Variants in PES1 observed in about 807,000 individuals in gnomAD.
PES1 encodes the protein pescadillo ribosomal biogenesis factor 1, also known as pescadillo homolog.
PES1 carries 31 observed loss-of-function variants against 77.1 expected under a neutral mutation model. That is an observed-to-expected ratio of 0.40 (90% CI 0.30 to 0.54). PES1 has a LOEUF of 0.54. Ranked by LOEUF, PES1 falls within the 20% of genes least tolerant of loss-of-function variation. The probability of loss-of-function intolerance (pLI) is 0.45; values close to 1 mark genes in which losing one functional copy is unlikely to be tolerated. For synonymous variants in PES1, 282 were observed against 303.0 expected (o/e 0.93, Z 0.72); for missense variants, 658 against 771.7 (o/e 0.85, Z 1.75).
intron 2 of PES1, chr22:30,601,947 A>G (rs2087361425): frequency 6.6e-6 from 1 of 151,582 alleles, no homozygotes; most frequent in African/African-American, 2.4e-5. Context: ...TAATTTTTGT[A>G]TTTTTAGTAG....
chr22:30,578,113 T>A (rs1163158575), intron 14 of PES1, among the ~76,000 whole-genome samples: 1 of 152,104 alleles, frequency 6.6e-6, no homozygotes, highest in Non-Finnish European at 1.5e-5. Context: ...TAAAACCCCG[T>A]CTCTACTAAA....
chr22:30,587,263 G>A (rs780840771), intron 4 of PES1, 23 bp downstream of exon 4: 2 of 1,500,552 alleles, frequency 1.3e-6, no homozygotes, highest in South Asian at 2.3e-5. Context: ...AAACAGCAGT[G>A]TCCTGAGGAA....
At chr22:30,596,893 C>T (rs374985168), upstream of PES1, among the ~76,000 whole-genome samples, 22 of 152,296 alleles carry the variant, frequency 1.4e-4, no homozygotes, top group East Asian at 1.9e-3. Context: ...GGGCTGTGCG[C>T]GGCGCTTGCG....
chr22:30,581,691 G>A, intron 6 of PES1, 47 bp from the exon 7 acceptor site: 2 of 1,295,904 alleles, frequency 1.5e-6, no homozygotes, highest in Non-Finnish European at 2.2e-6. Flanking sequence ...CAGGGATGGG[G>A]GCAAAGGAGG....
rs781772847 is a variant in PES1, at chr22:30,581,602, C to T, written c.673G>A (p.Glu225Lys). The T allele has an allele frequency of 1.1e-5, 18 of 1,613,556 alleles. No homozygotes were observed. The highest frequency in any genetic ancestry group is 1.6e-4 in the Middle Eastern group (1 of 6,084). Residue 225 changes from glutamate (E) to lysine (K), a missense_variant, in exon 7 of 15, where the codon GAG (glutamate) becomes AAG (lysine). Glu to Lys is a moderately conservative substitution (Grantham distance 56, BLOSUM62 1). Transcript: ENST00000354694. ...AAGCCCAGCAGCGTGGTGTAGAACT[C>T]GGTGAAGGTGGCCATGACCCTGTAG... ...VDYRVMATFTEFYTTLLGFVN... is the reference protein window; with the variant it reads ...VDYRVMATFTKFYTTLLGFVN...
Position 30,576,803 on chromosome 22 carries a change from T to C in PES1, c.*243A>G, listed in dbSNP as rs959720468. ...CTCTGCACCTCATGTCACTGGCTCC[T>C]GGGAGCAGAGAATCAGGCTGGGCAC... is the stretch of plus-strand genomic sequence containing the variant. On this transcript the variant is annotated 3_prime_UTR_variant, in exon 15 of 15. Transcript: ENST00000354694. The C allele has an allele frequency of 7.1e-6, 4 of 560,140 alleles. No homozygotes were observed. The Admixed American group carries it at 1.3e-4, about 18-fold the overall frequency. 34.7% of individuals were successfully genotyped at this position (560,140 alleles called of 1,614,324 possible).
At chr22:30,605,695 A>G (rs2087427474) in intron 1 of PES1, among the ~76,000 whole-genome samples, 1 of 152,204 alleles carries the variant, frequency 6.6e-6, no homozygotes, top group African/African-American at 2.4e-5. Context: ...CTCCTTCCTC[A>G]GAACCTCCAG....
intron 6 of PES1, 137 bp from the exon 7 acceptor site, chr22:30,581,781 G>A (rs570323707): frequency 1.1e-5 from 7 of 664,620 alleles, no homozygotes; most frequent in Middle Eastern, 3.8e-4. Flanking sequence ...CCCTTAAGGC[G>A]CTGCCCTAGG....
intron 2 of PES1, chr22:30,601,805 C>T (rs1602031968): frequency 1.3e-5 from 2 of 150,254 alleles, no homozygotes; most frequent in Non-Finnish European, 3.0e-5. Context: ...CACAGTCTCG[C>T]TCTGTTTCCC....
chr22:30,599,146 C>T (rs185869015), intron 2 of PES1, among the ~76,000 whole-genome samples: 85 of 152,048 alleles, frequency 5.6e-4, no homozygotes, highest in Non-Finnish European at 9.7e-4. Context: ...ATCCACTTGC[C>T]TCAGCATCCC....
intron 1 of PES1, chr22:30,605,590 A>T: frequency 1.8e-6 from 1 of 555,340 alleles, no homozygotes; most frequent in Non-Finnish European, 2.3e-6. Context: ...AGTCCCACCC[A>T]GGACCAAGGT....
upstream of PES1, among the ~76,000 whole-genome samples, chr22:30,594,578 CA>C (rs942337297): frequency 6.6e-6 from 1 of 151,314 alleles, no homozygotes; most frequent in Admixed American, 6.6e-5. Context: ...TTTTGGGAGG[CA>C]AAGGTGGGAG....
At chr22:30,584,891 C>A (rs891201855) in intron 4 of PES1, among the ~76,000 whole-genome samples, 174 bp from the exon 5 acceptor site, 1 of 152,168 alleles carries the variant, frequency 6.6e-6, no homozygotes, top group African/African-American at 2.4e-5. Context: ...CTAGGAGGAA[C>A]CACTTAACCA....
At chr22:30,599,491 G>A (rs995482939) in intron 2 of PES1, among the ~76,000 whole-genome samples, 1 of 152,184 alleles carries the variant, frequency 6.6e-6, no homozygotes, top group African/African-American at 2.4e-5. Context: ...AACAAAATAA[G>A]TACGTATTTT....
chr22:30,602,699 G>A (rs1569033827), intron 2 of PES1, among the ~76,000 whole-genome samples: 1 of 151,920 alleles, frequency 6.6e-6, no homozygotes, highest in Non-Finnish European at 1.5e-5. Context: ...CTATGCTTTA[G>A]GTGTTGTATC....
intron 14 of PES1, 103 bp from the exon 15 acceptor site, chr22:30,577,232 A>C (rs2086914647): frequency 2.0e-6 from 2 of 987,954 alleles, no homozygotes; most frequent in Non-Finnish European, 3.2e-6. Context: ...CTTCAAGAAA[A>C]GGTCACAAAT....
At chr22:30,597,867 C>G (rs542177417) in intron 2 of PES1, among the ~76,000 whole-genome samples, 6 of 147,548 alleles carry the variant, frequency 4.1e-5, no homozygotes, top group African/African-American at 1.5e-4. Flanking sequence ...TTTTTTTCCA[C>G]GCAGTTGAAG....
intron 2 of PES1, among the ~76,000 whole-genome samples, chr22:30,603,126 G>T (rs2087383233): frequency 6.6e-6 from 1 of 151,950 alleles, no homozygotes; most frequent in Non-Finnish European, 1.5e-5. Context: ...GGTCAGGCTG[G>T]TCTCGAACTC....
At chr22:30,598,543 C>G (rs894923199) in intron 2 of PES1, among the ~76,000 whole-genome samples, 2 of 152,314 alleles carry the variant, frequency 1.3e-5, no homozygotes, top group Admixed American at 1.3e-4. Flanking sequence ...ATTCTCGTGC[C>G]TCAGGTTCCT....
Sources: allele counts gnomAD v4.1 joint callset (sites outside exome capture counted in the v4.1 genomes callset), GRCh38; gene constraint gnomAD v4.1.1; transcripts MANE v1.5; gene names NCBI Gene and HGNC (gene_info 2026-07-23, HGNC 2026-07-21).